The following PTPRT variants were observed in gnomAD, a reference collection of about 807,000 sequenced individuals.
PTPRT encodes the protein receptor-type tyrosine-protein phosphatase T.
A neutral mutation model predicts 176.8 loss-of-function variants in PTPRT; 56 were observed. The observed-to-expected ratio is 0.32, with a 90% CI of 0.26 to 0.40. PTPRT has a LOEUF of 0.40. Ranked by LOEUF, PTPRT falls within the 10% of genes least tolerant of loss-of-function variation. The pLI is 1.00. For synonymous variants in PTPRT, 783 were observed against 739.0 expected (o/e 1.06, Z -0.96); for missense variants, 1,540 against 1,908.2 (o/e 0.81, Z 3.60).
At chr20:42,202,737 A>G (rs895979534) in intron 15 of PTPRT, among the ~76,000 whole-genome samples, 2 of 152,224 alleles carry the variant, frequency 1.3e-5, no homozygotes, top group Non-Finnish European at 2.9e-5. Context: ...AGTTAACTTA[A>G]AACTATAAAT....
In PTPRT at chr20:42,441,524, C is replaced by T. The variant is rs537810364; in HGVS notation, c.1560+6696G>A. 9.9e-5 allele frequency among the ~76,000 whole-genome samples: 15 copies of T among 152,210 alleles called. No homozygotes were observed. The South Asian group carries it at 1.5e-3, about 15-fold the overall frequency. ...GAAGTTAAGATGAAGCCAAAGCAGA[C>T]GAGGAACAGGATCAGATTTACCTCT... On this transcript the variant is annotated intron_variant, in intron 9 of 30. Coordinates refer to ENST00000373187, the MANE Select transcript of PTPRT (RefSeq NM_007050.6).
intron 11 of PTPRT, among the ~76,000 whole-genome samples, chr20:42,345,364 T>TACACACACAC (rs778541205): frequency 4.3e-5 from 4 of 92,932 alleles, no homozygotes; most frequent in African/African-American, 1.7e-4. Flanking sequence ...TGAAGGCATA[T>TACACACACAC]ATACACACAC....
chr20:42,528,720 A>T (rs1001170047), intron 7 of PTPRT, among the ~76,000 whole-genome samples: 1 of 152,236 alleles, frequency 6.6e-6, no homozygotes, highest in Non-Finnish European at 1.5e-5. Context: ...ACGGTTCATT[A>T]TCTGAATCCT....
intron 1 of PTPRT, among the ~76,000 whole-genome samples, chr20:42,887,313 C>T (rs1244409681): frequency 3.3e-5 from 5 of 152,228 alleles, no homozygotes; most frequent in South Asian, 2.1e-4. Flanking sequence ...AGAGCTATCT[C>T]GCCCCTTCCA....
chr20:43,119,974 T>C (rs949470975), intron 1 of PTPRT, among the ~76,000 whole-genome samples: 1 of 152,080 alleles, frequency 6.6e-6, no homozygotes, highest in South Asian at 2.1e-4. Context: ...ATTCTTTTGG[T>C]TTTTGTTGTT....
chr20:42,244,996 T>C (rs187853230), intron 14 of PTPRT, among the ~76,000 whole-genome samples: 117 of 152,278 alleles, frequency 7.7e-4, no homozygotes, highest in African/African-American at 2.7e-3. Context: ...GGGACGAAGA[T>C]GATCAGGACT....
intron 17 of PTPRT, 36 bp downstream of exon 17, chr20:42,161,316 A>G: frequency 6.2e-7 from 1 of 1,611,812 alleles, no homozygotes; most frequent in Non-Finnish European, 8.5e-7. Context: ...AGCCTCTGAA[A>G]CTATCAGGAA....
At chr20:42,440,579 G>A (rs1026299822) in intron 9 of PTPRT, among the ~76,000 whole-genome samples, 5 of 151,188 alleles carry the variant, frequency 3.3e-5, no homozygotes, top group Admixed American at 2.6e-4. Flanking sequence ...CCAGGTTCAC[G>A]CCATTCTCCT....
chr20:42,568,126 G>A (rs1227233673), intron 7 of PTPRT, among the ~76,000 whole-genome samples: 1 of 151,938 alleles, frequency 6.6e-6, no homozygotes, highest in East Asian at 1.9e-4. Flanking sequence ...CCACCACCAT[G>A]CCCGGCTAAT....
At chr20:42,436,541 T>C (rs1177984450) in intron 9 of PTPRT, among the ~76,000 whole-genome samples, 1 of 152,166 alleles carries the variant, frequency 6.6e-6, no homozygotes, top group East Asian at 1.9e-4. Flanking sequence ...ACACCAAATG[T>C]TGGAGAGGGT....
chr20:42,515,380 G>A lies in PTPRT; in HGVS notation c.1154-42818C>T, dbSNP rs62205776. ...TGCCCGTAATCCCAGTTACTCGGGA[G>A]GCTGAGGCAGGAGAATTGCTTGAAC... On this transcript the variant is annotated intron_variant, in intron 7 of 30. Coordinates refer to ENST00000373187, the MANE Select transcript of PTPRT (RefSeq NM_007050.6). 7.9e-3 allele frequency among the ~76,000 whole-genome samples: 1,198 copies of A among 152,218 alleles called. 11 individuals are homozygous for A. Among genetic ancestry groups the A allele is most frequent in the Middle Eastern group, 0.014 (4 of 294 alleles).
chr20:42,781,990 A>AT (rs1164759847), intron 3 of PTPRT, among the ~76,000 whole-genome samples: 3 of 152,200 alleles, frequency 2.0e-5, no homozygotes, highest in African/African-American at 7.2e-5. Context: ...TCATTGAGTG[A>AT]TTTTTTAGAT....
chr20:42,089,153 G>A (rs1256003140), intron 27 of PTPRT, among the ~76,000 whole-genome samples: 2 of 151,962 alleles, frequency 1.3e-5, no homozygotes, highest in Non-Finnish European at 1.5e-5. Flanking sequence ...CGCTGGTCAC[G>A]GGCCTCCATG....
intron 9 of PTPRT, among the ~76,000 whole-genome samples, chr20:42,433,943 G>C (rs1264108747): frequency 6.6e-6 from 1 of 152,096 alleles, no homozygotes; most frequent in Non-Finnish European, 1.5e-5. Context: ...ATTCTAGTAA[G>C]ATCAATCAAC....
intron 9 of PTPRT, among the ~76,000 whole-genome samples, chr20:42,404,153 C>A (rs1431107301): frequency 6.6e-6 from 1 of 152,170 alleles, no homozygotes. Flanking sequence ...TTGGACAAAG[C>A]TTTGCATGTA....
intron 9 of PTPRT, among the ~76,000 whole-genome samples, chr20:42,406,651 C>T (rs2058963764): frequency 1.3e-5 from 2 of 151,584 alleles, no homozygotes. Context: ...TTTATATATC[C>T]AACATAATTT....
chr20:43,045,642 T>C (rs78351650), intron 1 of PTPRT, among the ~76,000 whole-genome samples: 5 of 150,650 alleles, frequency 3.3e-5, no homozygotes, highest in Non-Finnish European at 7.4e-5. Context: ...TTTTTTTTTT[T>C]TGTAAAGACA....
chr20:43,031,537 GGGACTA>G (rs1485750859), intron 1 of PTPRT, among the ~76,000 whole-genome samples: 1 of 152,160 alleles, frequency 6.6e-6, no homozygotes, highest in Non-Finnish European at 1.5e-5. Flanking sequence ...GAATGCTGAA[GGGACTA>G]AGACACTGGC....
chr20:42,327,557 C>A (rs751633947), intron 11 of PTPRT, among the ~76,000 whole-genome samples: 1 of 151,952 alleles, frequency 6.6e-6, no homozygotes, highest in African/African-American at 2.4e-5. Flanking sequence ...ATGGTCACTA[C>A]AAGTAACCCT....
Sources: allele counts gnomAD v4.1 joint callset (sites outside exome capture counted in the v4.1 genomes callset), GRCh38; gene constraint gnomAD v4.1.1; transcripts MANE v1.5; gene names NCBI Gene and HGNC (gene_info 2026-07-23, HGNC 2026-07-21).